Variants in VPS13C observed in about 807,000 individuals in gnomAD.
The protein encoded by VPS13C is vacuolar protein sorting 13 homolog C, also known as intermembrane lipid transfer protein VPS13C.
Under a neutral mutation model 456.8 loss-of-function variants are expected in VPS13C, and 358 were observed. That is an observed-to-expected ratio of 0.78 (90% confidence interval 0.72 to 0.86). VPS13C has a LOEUF of 0.86. Ranked by LOEUF, VPS13C falls within the 40% of genes least tolerant of loss-of-function variation. VPS13C has a pLI of 0.00. For missense variants in VPS13C, 4,818 were observed against 4,385.4 expected (o/e 1.10, Z -2.79); for synonymous variants, 1,578 against 1,486.7 (o/e 1.06, Z -1.41).
chr15:61,969,633 T>C (rs1229875892), intron 27 of VPS13C, among the ~76,000 whole-genome samples, 181 bp from the exon 28 acceptor site: 1 of 152,172 alleles, frequency 6.6e-6, no homozygotes, highest in Non-Finnish European at 1.5e-5. Context: ...TTGTTGAGAA[T>C]ATAAATACAT....
intron 66 of VPS13C, among the ~76,000 whole-genome samples, chr15:61,902,869 A>G (rs1680466502): frequency 7.1e-6 from 1 of 140,422 alleles, no homozygotes; most frequent in African/African-American, 2.6e-5. Flanking sequence ...AAAGAAAAAA[A>G]GGGCATCCAA....
Position 61,919,359 on chromosome 15 carries a change from G to A in VPS13C, c.7568C>T (p.Ser2523Phe), listed in dbSNP as rs1003454968. The stretch of plus-strand genomic sequence containing the variant: ...ATCAATTTGTACCAAGACAGAGTCA[G>A]AATGACTGGCATTGGGATTCCGTAC... ...YNVRNPNASH[S>F]DSVLVQIDAT... is the part of the protein sequence containing the mutation. The change falls in exon 58 of 85, where the codon TCT (serine) becomes TTT (phenylalanine). Residue 2523 changes from serine to phenylalanine, a missense_variant. Ser to Phe is a radical substitution (Grantham distance 155). Around this residue, in one of 3 missense-constraint regions of VPS13C, gnomAD observed 4,552 missense variants for 4,130.6 expected, o/e 1.10. Transcript: ENST00000644861. The A allele has an allele frequency of 2.5e-6, 4 of 1,604,818 alleles. No homozygotes were observed. The highest frequency in any genetic ancestry group is 1.7e-5 in the Admixed American group (1 of 58,376).
At chr15:61,872,548 C>A (rs1185666435) in intron 78 of VPS13C, among the ~76,000 whole-genome samples, 2 of 151,990 alleles carry the variant, frequency 1.3e-5, no homozygotes, top group East Asian at 3.9e-4. Context: ...AAATTACTAT[C>A]AAAAAACACA....
chr15:62,032,590 G>A (rs192847959), intron 5 of VPS13C, among the ~76,000 whole-genome samples: 177 of 151,796 alleles, frequency 1.2e-3, no homozygotes, highest in African/African-American at 4.0e-3. Flanking sequence ...ATTTCTAATT[G>A]ATTCAATTAA....
At chr15:61,975,596 C>T (rs75520919) in intron 24 of VPS13C, among the ~76,000 whole-genome samples, 11 of 152,192 alleles carry the variant, frequency 7.2e-5, no homozygotes, top group African/African-American at 2.4e-4. Flanking sequence ...AATAGATAAT[C>T]TAGCCCTATA....
rs780869550 is a variant in VPS13C at position 61,882,657 on chromosome 15, T to C, written c.9563A>G (p.Gln3188Arg). 14 of 1,602,156 alleles carry C rather than the reference T, an allele frequency of 8.7e-6. No individual in the cohort carries two copies. In the East Asian group the frequency reaches 1.6e-4, roughly 18 times the overall value. Residue 3188 changes from glutamine to arginine, a missense_variant, in exon 69 of 85, where the codon CAG (glutamine) becomes CGG (arginine). Gln to Arg is a conservative substitution (Grantham distance 43, BLOSUM62 1). This residue lies in a region of VPS13C where 4,552 missense variants were observed against 4,130.6 expected (regional missense o/e 1.10). Transcript: ENST00000644861. ...PIKRDFLSGI[Q>R]IEFKQSSHQR... The stretch of plus-strand genomic sequence containing the variant: ...GTGAGAAGACTGCTTAAATTCAATC[T>C]GAATTCCTGATAAAAAGTCTCGTTT...
chr15:61,946,447 A>G, intron 43 of VPS13C, 37 bp from the exon 44 acceptor site: 1 of 1,482,072 alleles, frequency 6.7e-7, no homozygotes, highest in Non-Finnish European at 9.2e-7. Flanking sequence ...TTTTCACCCA[A>G]TCCACATGAC....
At position 61,880,966 on chromosome 15, in the gene VPS13C, A is replaced by T; in HGVS notation, c.9777-12T>A. The T allele has an allele frequency of 6.4e-7, 1 of 1,563,720 alleles. No individual in the cohort carries two copies. Among genetic ancestry groups the T allele is most frequent in the Non-Finnish European group, 8.6e-7 (1 of 1,157,886 alleles). On this transcript the variant is annotated splice_polypyrimidine_tract_variant and intron_variant, in intron 71 of 84. Transcript: ENST00000644861. The stretch of plus-strand genomic sequence containing the variant: ...GGACCATAAAATACCTAAGAAAAAA[A>T]ATTTAAAATGGAAAAGGATTTCTAC...
In VPS13C at chr15:62,031,169, G is replaced by A. The variant is rs182546758; in HGVS notation, c.385+2272C>T. On this transcript the variant is annotated intron_variant, in intron 5 of 84. Coordinates refer to ENST00000644861, the MANE Select transcript of VPS13C (RefSeq NM_020821.3). Reference sequence around the variant, plus strand: ...TTTATTTTATTCCTATACGATAGTGGGAAACAATATAATTTTACCACATAA... The same window carrying A: ...TTTATTTTATTCCTATACGATAGTGAGAAACAATATAATTTTACCACATAA... Among the ~76,000 whole-genome samples, 4 of 151,986 alleles carry A rather than the reference G, an allele frequency of 2.6e-5. No individual in the cohort carries two copies. In the East Asian group the frequency reaches 5.8e-4, roughly 22 times the overall value.
At chr15:61,932,522 A>AT (rs1226886142) in intron 49 of VPS13C, among the ~76,000 whole-genome samples, 3 of 151,322 alleles carry the variant, frequency 2.0e-5, no homozygotes, top group African/African-American at 7.3e-5. Flanking sequence ...GTATGTCCAG[A>AT]TTTAAAAAAA....
At chr15:61,996,890 CACACACAT>C (rs2046400927) in intron 16 of VPS13C, among the ~76,000 whole-genome samples, 1 of 149,864 alleles carries the variant, frequency 6.7e-6, no homozygotes. Context: ...CACACACACA[CACACACAT>C]ATATATATAT....
chr15:61,922,844 T>C (rs903921364), intron 53 of VPS13C, 82 bp from the exon 54 acceptor site: 7 of 1,061,516 alleles, frequency 6.6e-6, no homozygotes, highest in African/African-American at 5.0e-5. Flanking sequence ...TTAAGTGACA[T>C]ACATTAATTA....
At chr15:61,959,631 A>G (rs1279721252) in intron 35 of VPS13C, 36 bp from the exon 36 acceptor site, 3 of 1,590,796 alleles carry the variant, frequency 1.9e-6, no homozygotes, top group East Asian at 4.5e-5. Context: ...ATGCATAGAT[A>G]TAGGGTAGAA....
chr15:61,888,980 C>G (rs1896473885), intron 67 of VPS13C, among the ~76,000 whole-genome samples: 1 of 152,016 alleles, frequency 6.6e-6, no homozygotes, highest in Non-Finnish European at 1.5e-5. Context: ...CGTGAAAACT[C>G]TTTATTTTAC....
rs761052116 is a variant in VPS13C, at chr15:61,931,252, C to A, written c.5876G>T (p.Gly1959Val). Residue 1959 changes from glycine (G) to valine (V), a missense_variant, in exon 50 of 85, where the codon GGA becomes GTA. Coordinates refer to ENST00000644861, the MANE Select transcript of VPS13C (RefSeq NM_020821.3). ...GAAACTGTCATTATGAAATGCAACT[C>A]CAGATTCCTATGGTACATTTTTCAA... ...LYNNDINQES[G>V]VAFHNDSFQL... The A allele has an allele frequency of 3.7e-6, 6 of 1,613,068 alleles. No individual in the cohort carries two copies. Among genetic ancestry groups the A allele is most frequent in the Non-Finnish European group, 5.1e-6 (6 of 1,179,628 alleles).
chr15:61,995,496 G>C (rs2046353053), intron 16 of VPS13C, among the ~76,000 whole-genome samples: 1 of 152,168 alleles, frequency 6.6e-6, no homozygotes, highest in Admixed American at 6.5e-5. Context: ...ACTTGATTCT[G>C]TGTACAATGT....
intron 68 of VPS13C, among the ~76,000 whole-genome samples, chr15:61,883,177 T>C (rs1002315584): frequency 8.6e-5 from 13 of 151,500 alleles, no homozygotes; most frequent in African/African-American, 2.9e-4. Flanking sequence ...TGTGACACCA[T>C]GCCCAGCTAA....
intron 66 of VPS13C, among the ~76,000 whole-genome samples, chr15:61,898,612 A>G (rs2140103570): frequency 6.7e-6 from 1 of 150,168 alleles, no homozygotes. Context: ...GCAAGTCCTG[A>G]GTGACCTACA....
intron 27 of VPS13C, among the ~76,000 whole-genome samples, chr15:61,970,035 G>A (rs576792095): frequency 2.6e-5 from 4 of 151,842 alleles, no homozygotes; most frequent in Non-Finnish European, 4.4e-5. Context: ...AAGGACTTCC[G>A]GTGTCATAAA....
Sources: gnomAD v4.1 joint callset for allele counts (sites outside exome capture counted in the v4.1 genomes callset) on GRCh38, gnomAD v4.1.1 for gene constraint, gnomAD v4.1.1 regional missense constraint, MANE v1.5 for transcripts, NCBI Gene and HGNC (gene_info 2026-07-23, HGNC 2026-07-21) for gene names.